PTPRO: variants seen among roughly 807,000 people sequenced by gnomAD.
The protein encoded by PTPRO is receptor-type tyrosine-protein phosphatase O.
In PTPRO, 62 loss-of-function variants were observed where a neutral mutation model predicts 145.2. That is an observed-to-expected ratio of 0.43 (90% CI 0.35 to 0.53). PTPRO has a LOEUF of 0.53. Ranked by LOEUF, PTPRO falls within the 20% of genes least tolerant of loss-of-function variation. The pLI, the probability that PTPRO is intolerant of heterozygous loss-of-function variation, is 0.01. For missense variants in PTPRO, 1,345 were observed against 1,482.7 expected (o/e 0.91, Z 1.53); for synonymous variants, 565 against 514.7 (o/e 1.10, Z -1.32).
chr12:15,376,109 A>G (rs1025050046), intron 1 of PTPRO, among the ~76,000 whole-genome samples: 5 of 152,170 alleles, frequency 3.3e-5, no homozygotes, highest in African/African-American at 1.2e-4. Flanking sequence ...CATAGCCATA[A>G]ACTCCCCAAA....
rs140749738 is a variant in PTPRO at position 15,360,852 on chromosome 12, G to A, written c.75+38051G>A. ...TGTATATATATACGTGTGTATATAT[G>A]TGTGTGTATATATGTGTGTATATAC... On this transcript the variant is annotated intron_variant, in intron 1 of 26. Coordinates refer to ENST00000281171, the MANE Select transcript of PTPRO (RefSeq NM_030667.3). Among the ~76,000 whole-genome samples, 1,061 of 110,624 alleles carry A rather than the reference G, an allele frequency of 9.6e-3. 82 individuals are homozygous for A. Among genetic ancestry groups the A allele is most frequent in the Non-Finnish European group, 0.017 (830 of 49,796 alleles). The allele number at this position is 110,624 out of a possible 152,430, so 72.6% of individuals were successfully genotyped here.
chr12:15,451,747 T>C (rs1018340196), intron 1 of PTPRO, among the ~76,000 whole-genome samples: 7 of 152,326 alleles, frequency 4.6e-5, no homozygotes, highest in African/African-American at 7.2e-5. Context: ...TGAATGATCA[T>C]TGGGTCAACA....
intron 1 of PTPRO, among the ~76,000 whole-genome samples, chr12:15,447,235 G>C (rs11513656): frequency 6.6e-6 from 1 of 151,968 alleles, no homozygotes; most frequent in South Asian, 2.1e-4. Context: ...TGGATTTCAT[G>C]GGGGGGAGGG....
chr12:15,549,170 C>T lies in PTPRO; in HGVS notation c.2381C>T (p.Thr794Ile). The T allele has an allele frequency of 6.2e-7, 1 of 1,613,236 alleles. No individual in the cohort carries two copies. Among genetic ancestry groups the T allele is most frequent in the Non-Finnish European group, 8.5e-7 (1 of 1,179,480 alleles). ...GCCACTGCCTACAATTGTAGTGTCA[C>T]CAGCTTTAGCCATGACAGCCCCAGT... The part of the protein sequence containing the change: ...LPATAYNCSV[T>I]SFSHDSPSVP... The change falls in exon 14 of 27, where the codon ACC becomes ATC. Residue 794 changes from threonine to isoleucine, a missense_variant. Around this residue, in one of 3 missense-constraint regions of PTPRO, gnomAD observed 1,130 missense variants for 1,214.7 expected, o/e 0.93. Transcript: ENST00000281171.
At chr12:15,582,507 C>T (rs935799134) in intron 23 of PTPRO, among the ~76,000 whole-genome samples, 38 of 152,230 alleles carry the variant, frequency 2.5e-4, no homozygotes, top group African/African-American at 8.9e-4. Flanking sequence ...GCTGAGAAGA[C>T]GCAGTAAAAA....
At chr12:15,327,462 G>A (rs916946671) in intron 1 of PTPRO, among the ~76,000 whole-genome samples, 1 of 152,012 alleles carries the variant, frequency 6.6e-6, no homozygotes, top group South Asian at 2.1e-4. Context: ...AACCAGAACT[G>A]ACCAAGATTT....
intron 26 of PTPRO, 95 bp downstream of exon 26, chr12:15,595,152 T>C (rs959968209): frequency 1.2e-6 from 1 of 811,586 alleles, no homozygotes; most frequent in African/African-American, 1.7e-5. Flanking sequence ...GCCATTTGTA[T>C]TGACTCTGAC....
At chr12:15,439,995 C>A (rs535521346) in intron 1 of PTPRO, 1 of 682,860 alleles carries the variant, frequency 1.5e-6, no homozygotes, top group African/African-American at 1.8e-5. Flanking sequence ...ATCATCCTGG[C>A]CAAGCTCTCC....
At chr12:15,571,374 G>A (rs1003548035) in intron 19 of PTPRO, among the ~76,000 whole-genome samples, 9 of 152,216 alleles carry the variant, frequency 5.9e-5, no homozygotes, top group Middle Eastern at 6.8e-3. Flanking sequence ...TGCAACCTCC[G>A]CCTCCCAGGT....
chr12:15,581,600 C>T (rs925531384), intron 22 of PTPRO, 79 bp from the exon 23 acceptor site: 1 of 1,525,296 alleles, frequency 6.6e-7, no homozygotes. Context: ...AGGCGAATAC[C>T]TTTGTTTTCC....
rs1938196044 is a variant in PTPRO, at chr12:15,361,208, C to T, written c.75+38407C>T. Among the ~76,000 whole-genome samples, 3 of 151,754 alleles carry T rather than the reference C, an allele frequency of 2.0e-5. No homozygotes were observed. The South Asian group carries it at 6.2e-4, about 32-fold the overall frequency. ...ATCCCAGCACTTTGGGAGGCCAAGG[C>T]AGGCAGATCACGAGGTTAGGAGATC... On this transcript the variant is annotated intron_variant, in intron 1 of 26. Coordinates refer to ENST00000281171, the MANE Select transcript of PTPRO (RefSeq NM_030667.3).
chr12:15,467,155 G>C lies in PTPRO; in HGVS notation c.76-16819G>C, dbSNP rs1460708962. Among the ~76,000 whole-genome samples the C allele has an allele frequency of 2.0e-5, 3 of 152,202 alleles. No individual in the cohort carries two copies. The East Asian group carries it at 5.8e-4, about 29-fold the overall frequency. ...GGCTCTCAATAAAAGTAAGCTCTAG[G>C]TGCATAGCACACTATGCTATTTCCT... On this transcript the variant is annotated intron_variant, in intron 1 of 26. Transcript: ENST00000281171.
intron 1 of PTPRO, among the ~76,000 whole-genome samples, chr12:15,345,213 T>C (rs1050256487): frequency 5.3e-5 from 8 of 152,226 alleles, no homozygotes; most frequent in African/African-American, 1.9e-4. Flanking sequence ...AGCATGCAGA[T>C]AGTTGATACT....
intron 1 of PTPRO, among the ~76,000 whole-genome samples, chr12:15,354,480 A>C (rs1937920519): frequency 6.6e-6 from 1 of 152,308 alleles, no homozygotes; most frequent in East Asian, 1.9e-4. Flanking sequence ...TGGTGCAAAA[A>C]GTTTTTGAAA....
chr12:15,594,712 T>A (rs949269393), intron 25 of PTPRO, among the ~76,000 whole-genome samples: 14 of 152,008 alleles, frequency 9.2e-5, no homozygotes, highest in African/African-American at 3.4e-4. Flanking sequence ...GGGAAAAAAA[T>A]TCCACTGTTT....
intron 1 of PTPRO, among the ~76,000 whole-genome samples, chr12:15,379,470 G>T (rs1051445868): frequency 1.4e-5 from 2 of 143,912 alleles, no homozygotes; most frequent in Admixed American, 1.4e-4. Context: ...GGTGGAGATT[G>T]CAGTGAGCCC....
At chr12:15,543,301 C>G (rs1943216006) in intron 12 of PTPRO, among the ~76,000 whole-genome samples, 1 of 152,148 alleles carries the variant, frequency 6.6e-6, no homozygotes, top group Non-Finnish European at 1.5e-5. Flanking sequence ...TGTTAGATGT[C>G]CCAGACCTTT....
At position 15,408,166 on chromosome 12, in the gene PTPRO, T is replaced by C. The variant is rs540884994; in HGVS notation, c.76-75808T>C. Among the ~76,000 whole-genome samples the C allele has an allele frequency of 5.8e-4, 88 of 152,308 alleles. No individual in the cohort carries two copies. The South Asian group carries it at 0.017, about 29-fold the overall frequency. ...GCTTCTCTGTGGGGGTGGGTGATTT[T>C]TAAAGATGTTAGTCATTATTGGTCT... On this transcript the variant is annotated intron_variant, in intron 1 of 26. Coordinates refer to ENST00000281171, the MANE Select transcript of PTPRO (RefSeq NM_030667.3).
intron 23 of PTPRO, among the ~76,000 whole-genome samples, chr12:15,586,021 G>A (rs2135662834): frequency 6.6e-6 from 1 of 152,314 alleles, no homozygotes; most frequent in South Asian, 2.1e-4. Context: ...GGATGACGGT[G>A]AGTGATGGTA....
Sources: gnomAD v4.1 joint callset for allele counts (sites outside exome capture counted in the v4.1 genomes callset) on GRCh38, gnomAD v4.1.1 for gene constraint, gnomAD v4.1.1 regional missense constraint, MANE v1.5 for transcripts, NCBI Gene and HGNC (gene_info 2026-07-23, HGNC 2026-07-21) for gene names.